The following SLC12A8 variants were observed in gnomAD, a reference collection of about 807,000 sequenced individuals.
The protein encoded by SLC12A8 is solute carrier family 12 member 8, also known as cation-chloride cotransporter 9.
Under a neutral mutation model 75.6 loss-of-function variants are expected in SLC12A8, and 69 were observed. The observed-to-expected ratio is 0.91, with a 90% CI of 0.75 to 1.11. The LOEUF (loss-of-function observed/expected upper bound fraction) is 1.11, where lower values mean the gene tolerates loss of function less well. Ranked by LOEUF, SLC12A8 falls within the 50% of genes most tolerant of loss-of-function variation. The pLI, the probability that SLC12A8 is intolerant of heterozygous loss-of-function variation, is 0.00. For synonymous variants in SLC12A8, 365 were observed against 372.8 expected (o/e 0.98, Z 0.24); for missense variants, 877 against 896.7 (o/e 0.98, Z 0.28).
intron 2 of SLC12A8, among the ~76,000 whole-genome samples, chr3:125,205,490 T>C (rs1457711978): frequency 6.6e-6 from 1 of 152,090 alleles, no homozygotes; most frequent in African/African-American, 2.4e-5. Context: ...TGGGGCCCAG[T>C]TGTCATTTTC....
At chr3:125,191,985 ACT>A (rs746478850) in intron 2 of SLC12A8, among the ~76,000 whole-genome samples, 13 of 152,182 alleles carry the variant, frequency 8.5e-5, no homozygotes, top group East Asian at 5.8e-4. Context: ...CGGAACAAAG[ACT>A]CTGCCAATCT....
intron 2 of SLC12A8, among the ~76,000 whole-genome samples, chr3:125,208,775 CACACACACACACACACAGAGAG>C (rs1560087635): frequency 7.7e-6 from 1 of 129,414 alleles, no homozygotes; most frequent in Non-Finnish European, 1.7e-5. Context: ...CACACACACA[CACACACACACACACACAGAGAG>C]AGAGAGAGAG....
intron 5 of SLC12A8, among the ~76,000 whole-genome samples, chr3:125,157,645 G>A (rs1003644304): frequency 3.3e-5 from 5 of 152,122 alleles, no homozygotes; most frequent in Non-Finnish European, 7.3e-5. Flanking sequence ...TTCCATGCGC[G>A]CTGAGTCTTC....
chr3:125,129,627 G>A (rs1933303960), intron 6 of SLC12A8, among the ~76,000 whole-genome samples: 1 of 152,188 alleles, frequency 6.6e-6, no homozygotes, highest in Non-Finnish European at 1.5e-5. Flanking sequence ...GGGGACAGAA[G>A]GGTTTGTTCA....
At chr3:125,136,373 T>C (rs968070349) in intron 5 of SLC12A8, among the ~76,000 whole-genome samples, 1 of 152,160 alleles carries the variant, frequency 6.6e-6, no homozygotes, top group African/African-American at 2.4e-5. Context: ...TCTCTAAGCA[T>C]CGTAGTGGGC....
At chr3:125,113,942 C>G (rs1939247377) in intron 8 of SLC12A8, among the ~76,000 whole-genome samples, 1 of 152,152 alleles carries the variant, frequency 6.6e-6, no homozygotes, top group Non-Finnish European at 1.5e-5. Flanking sequence ...TTGCAAGGCG[C>G]TCATTCTGTC....
At chr3:125,122,586 G>A (rs903134000) in intron 6 of SLC12A8, among the ~76,000 whole-genome samples, 37 of 152,150 alleles carry the variant, frequency 2.4e-4, no homozygotes, top group African/African-American at 7.0e-4. Flanking sequence ...AGAAAGCCTC[G>A]GAATGCTTCT....
At chr3:125,181,970 T>G (rs565667667) in intron 4 of SLC12A8, among the ~76,000 whole-genome samples, 1 of 152,110 alleles carries the variant, frequency 6.6e-6, no homozygotes, top group Non-Finnish European at 1.5e-5. Context: ...GAGGATCACT[T>G]GAGTCCAGGA....
intron 2 of SLC12A8, among the ~76,000 whole-genome samples, chr3:125,199,278 G>C (rs1472849624): frequency 6.6e-6 from 1 of 152,156 alleles, no homozygotes; most frequent in Non-Finnish European, 1.5e-5. Context: ...AAAGCAAAAA[G>C]GCAAAGTGTT....
chr3:125,096,218 C>T (rs1378937332), intron 10 of SLC12A8, among the ~76,000 whole-genome samples: 1 of 152,216 alleles, frequency 6.6e-6, no homozygotes, highest in African/African-American at 2.4e-5. Context: ...CAATTCAGTT[C>T]TCCATTAAAA....
chr3:125,122,735 C>G (rs1044125616), intron 6 of SLC12A8, among the ~76,000 whole-genome samples: 2 of 152,162 alleles, frequency 1.3e-5, no homozygotes, highest in Non-Finnish European at 2.9e-5. Flanking sequence ...AACCATGCGA[C>G]AGCTGGGGAA....
In SLC12A8 at chr3:125,101,764, A is replaced by G. The variant is rs912362705; in HGVS notation, c.1705+5717T>C. 2.0e-5 allele frequency among the ~76,000 whole-genome samples: 3 copies of G among 152,200 alleles called. No homozygotes were observed. The South Asian group carries it at 6.2e-4, about 32-fold the overall frequency. ...ATTCCATTGTGATTTGATTATTATTATTTTATAGCATCTGGTTTGTCAACG... is the reference window on the plus strand; with the variant it reads ...ATTCCATTGTGATTTGATTATTATTGTTTTATAGCATCTGGTTTGTCAACG... On this transcript the variant is annotated intron_variant, in intron 10 of 13. Coordinates refer to ENST00000469902, the MANE Select transcript of SLC12A8 (RefSeq NM_024628.6).
At chr3:125,088,776 CT>C (rs1259493973) in intron 12 of SLC12A8, among the ~76,000 whole-genome samples, 1 of 152,156 alleles carries the variant, frequency 6.6e-6, no homozygotes, top group Admixed American at 6.5e-5. Context: ...GGGAACATGT[CT>C]TTTTCATCCT....
At chr3:125,085,911 CTT>C (rs56062741) in intron 13 of SLC12A8, among the ~76,000 whole-genome samples, 8 of 146,034 alleles carry the variant, frequency 5.5e-5, no homozygotes, top group African/African-American at 1.5e-4. Context: ...ATTTTTTTTT[CTT>C]TTTTTTTTTG....
At chr3:125,092,481 T>A (rs967813585) in intron 10 of SLC12A8, among the ~76,000 whole-genome samples, 1 of 152,146 alleles carries the variant, frequency 6.6e-6, no homozygotes, top group African/African-American at 2.4e-5. Context: ...GAAGCTCAGC[T>A]CTCCCCTCTT....
chr3:125,094,131 T>C (rs887746317), intron 10 of SLC12A8, among the ~76,000 whole-genome samples: 1 of 152,218 alleles, frequency 6.6e-6, no homozygotes, highest in South Asian at 2.1e-4. Context: ...TCCTAAATCA[T>C]GACTTTCAGC....
At chr3:125,127,818 TA>T (rs1465715954) in intron 6 of SLC12A8, among the ~76,000 whole-genome samples, 1 of 152,186 alleles carries the variant, frequency 6.6e-6, no homozygotes, top group Non-Finnish European at 1.5e-5. Flanking sequence ...ATTATTTTGA[TA>T]AAACAATTAT....
intron 5 of SLC12A8, among the ~76,000 whole-genome samples, chr3:125,141,990 C>T (rs899434301): frequency 6.6e-6 from 1 of 152,162 alleles, no homozygotes; most frequent in Admixed American, 6.5e-5. Flanking sequence ...TGGTAGGCCC[C>T]GGAGACTGCG....
intron 6 of SLC12A8, among the ~76,000 whole-genome samples, chr3:125,127,794 T>G (rs577988411): frequency 1.3e-4 from 20 of 152,350 alleles, no homozygotes; most frequent in African/African-American, 4.6e-4. Flanking sequence ...TGATAAAAAC[T>G]GTTGATATGT....
Sources: allele counts gnomAD v4.1 joint callset (sites outside exome capture counted in the v4.1 genomes callset), GRCh38; gene constraint gnomAD v4.1.1; transcripts MANE v1.5; gene names NCBI Gene and HGNC (gene_info 2026-07-23, HGNC 2026-07-21).